C2CD3: variants seen among roughly 807,000 people sequenced by gnomAD.
C2CD3 encodes C2 domain containing 3 centriole elongation regulator.
C2CD3 carries 148 observed loss-of-function variants against 234.0 expected under a neutral mutation model. The observed-to-expected ratio is 0.63, with a 90% CI of 0.55 to 0.72. C2CD3 has a LOEUF of 0.72. Among genes scored for constraint, C2CD3 ranks in the 30% least tolerant of loss-of-function variants. The pLI, the probability that C2CD3 is intolerant of heterozygous loss-of-function variation, is 0.00. For synonymous variants in C2CD3, 1,000 were observed against 1,035.4 expected, an observed-to-expected ratio of 0.97 and a Z score of 0.66; for missense variants, 2,577 against 2,811.5, an observed-to-expected ratio of 0.92 and a Z score of 1.89.
At position 74,103,482 on chromosome 11, in the gene C2CD3, G is replaced by C; in HGVS notation, c.2229C>G (p.Thr743=). 1 of 1,614,104 alleles carries C rather than the reference G, an allele frequency of 6.2e-7. No homozygotes were observed. The highest frequency in any genetic ancestry group is 8.5e-7 in the Non-Finnish European group (1 of 1,180,016). ...LPELNQDMTC[T]KNPQNLNQIH... ...TTTGGTTTAAGTTTTGTGGATTTTT[G>C]GTACAGGTCATATCTTGGTTAAGTT... The change falls in exon 14 of 33, where the codon ACC becomes ACG. Residue 743 remains threonine (T), a synonymous_variant. Coordinates refer to ENST00000334126, the MANE Select transcript of C2CD3 (RefSeq NM_001286577.2).
intron 2 of C2CD3, among the ~76,000 whole-genome samples, chr11:74,162,294 C>T (rs549384263): frequency 7.9e-5 from 12 of 152,084 alleles, no homozygotes; most frequent in African/African-American, 2.9e-4. Flanking sequence ...AAAAAAAGTG[C>T]TGACTGTATA....
intron 32 of C2CD3, among the ~76,000 whole-genome samples, chr11:74,027,356 C>T (rs1952343726): frequency 6.6e-6 from 1 of 152,228 alleles, no homozygotes; most frequent in Non-Finnish European, 1.5e-5. Flanking sequence ...GATCCTGCCA[C>T]CTTGTCCTCC....
intron 26 of C2CD3, among the ~76,000 whole-genome samples, chr11:74,050,562 A>T (rs1194189678): frequency 6.6e-6 from 1 of 152,188 alleles, no homozygotes. Context: ...CAAAGGCTGG[A>T]TCTACCAAAC....
chr11:74,019,804 G>T (rs1267511714), intron 32 of C2CD3, among the ~76,000 whole-genome samples: 1 of 152,118 alleles, frequency 6.6e-6, no homozygotes, highest in African/African-American at 2.4e-5. Context: ...AGCCTCCCAA[G>T]TAGCTGGGAT....
At chr11:74,083,024 G>A (rs11825974) in intron 22 of C2CD3, among the ~76,000 whole-genome samples, 33,623 of 151,944 alleles carry the variant, frequency 0.22, 4,152 homozygotes, top group Admixed American at 0.3. Flanking sequence ...GAGGCATCAC[G>A]CTACCTGACT....
Position 74,042,163 on chromosome 11 carries a change from G to T in C2CD3, c.5551C>A (p.Arg1851Ser), listed in dbSNP as rs1232565234. Residue 1851 changes from arginine (R) to serine (S), a missense_variant, in exon 29 of 33, where the codon CGC (arginine) becomes AGC (serine). Arg to Ser is a moderately radical substitution (Grantham distance 110). Transcript: ENST00000334126. ...SRHEEHVQNIRRFHESLHLQG... is the reference protein window; with the variant it reads ...SRHEEHVQNISRFHESLHLQG... ...AGATGCAGGGATTCATGAAACCGGC[G>T]AATGTTCTGCACATGCTCTTCATGG... The T allele has an allele frequency of 1.2e-6, 2 of 1,611,464 alleles. No homozygotes were observed. The highest frequency in any genetic ancestry group is 8.5e-7 in the Non-Finnish European group (1 of 1,179,736).
intron 24 of C2CD3, among the ~76,000 whole-genome samples, chr11:74,071,547 G>A (rs1954792516): frequency 6.6e-6 from 1 of 152,140 alleles, no homozygotes; most frequent in South Asian, 2.1e-4. Context: ...TTGAACTTCG[G>A]TCTCCTCATT....
intron 12 of C2CD3, 125 bp downstream of exon 12, chr11:74,108,909 A>G: frequency 2.2e-6 from 1 of 450,968 alleles, no homozygotes; most frequent in Admixed American, 4.0e-5. Context: ...TAATAATAAT[A>G]ATAACAATGG....
At position 74,074,361 on chromosome 11, in the gene C2CD3, T is replaced by G; in HGVS notation, c.4843A>C (p.Ser1615Arg). The G allele has an allele frequency of 1.9e-6, 3 of 1,614,248 alleles. No individual in the cohort carries two copies. The highest frequency in any genetic ancestry group is 2.5e-6 in the Non-Finnish European group (3 of 1,180,042). Residue 1615 changes from serine to arginine, a missense_variant, in exon 24 of 33, where the codon AGC becomes CGC. Coordinates refer to ENST00000334126, the MANE Select transcript of C2CD3 (RefSeq NM_001286577.2). ...AGGCGGACTTCAGCTGTGGTGCTGC[T>G]GCAGGGGACCTGGGTGGAGGCAGGA... Reference protein sequence around the residue: ...KSPASTQVPCSSTTAEVRLTQ... With the variant: ...KSPASTQVPCRSTTAEVRLTQ...
intron 2 of C2CD3, among the ~76,000 whole-genome samples, chr11:74,163,227 T>C (rs1197914717): frequency 6.6e-6 from 1 of 152,192 alleles, no homozygotes; most frequent in African/African-American, 2.4e-5. Flanking sequence ...GTATAAGCCA[T>C]GGTTGTCTGT....
intron 25 of C2CD3, 86 bp from the exon 26 acceptor site, chr11:74,054,757 T>C: frequency 2.3e-6 from 2 of 873,868 alleles, no homozygotes; most frequent in Non-Finnish European, 3.6e-6. Context: ...TCTTGTAATT[T>C]GCAAAGCACT....
chr11:74,030,152 C>T (rs912281992), intron 31 of C2CD3, among the ~76,000 whole-genome samples: 1 of 152,140 alleles, frequency 6.6e-6, no homozygotes, highest in Non-Finnish European at 1.5e-5. Flanking sequence ...GCATTGTCTT[C>T]TAGTTACCAC....
intron 22 of C2CD3, among the ~76,000 whole-genome samples, chr11:74,082,085 C>T (rs1283055935): frequency 1.3e-5 from 2 of 151,668 alleles, no homozygotes; most frequent in African/African-American, 4.8e-5. Context: ...GGGAATGCTT[C>T]CAGTTCTTGC....
chr11:74,039,847 T>A (rs1039733430), intron 29 of C2CD3, among the ~76,000 whole-genome samples: 9 of 152,192 alleles, frequency 5.9e-5, no homozygotes, highest in African/African-American at 2.2e-4. Context: ...AAGGAGTTTC[T>A]TTTTTTAAGT....
At chr11:74,092,631 T>C (rs1266612287) in intron 18 of C2CD3, 43 bp from the exon 19 acceptor site, 2 of 1,537,626 alleles carry the variant, frequency 1.3e-6, no homozygotes, top group Non-Finnish European at 1.8e-6. Flanking sequence ...AATTAGGTGA[T>C]AAATGATTCA....
chr11:74,087,693 G>A (rs1294869313), intron 20 of C2CD3, among the ~76,000 whole-genome samples: 2 of 152,232 alleles, frequency 1.3e-5, no homozygotes, highest in Non-Finnish European at 2.9e-5. Flanking sequence ...AGAGATGGCA[G>A]TGAGATGGCA....
intron 11 of C2CD3, 89 bp from the exon 12 acceptor site, chr11:74,109,241 C>T (rs1167622658): frequency 3.0e-6 from 2 of 674,930 alleles, no homozygotes; most frequent in East Asian, 5.9e-5. Context: ...GCCTCCCTTT[C>T]AAATTTAATT....
At chr11:74,148,316 A>T (rs1270747526) in intron 3 of C2CD3, among the ~76,000 whole-genome samples, 1 of 152,074 alleles carries the variant, frequency 6.6e-6, no homozygotes, top group Non-Finnish European at 1.5e-5. Context: ...TTTCAAAAGA[A>T]AAAAGCTATA....
At chr11:74,046,336 A>C (rs1953371251) in intron 28 of C2CD3, among the ~76,000 whole-genome samples, 1 of 152,162 alleles carries the variant, frequency 6.6e-6, no homozygotes. Flanking sequence ...ATGGAATCAT[A>C]TACAAGGTAC....
Sources: gnomAD v4.1 joint callset for allele counts (sites outside exome capture counted in the v4.1 genomes callset) on GRCh38, gnomAD v4.1.1 for gene constraint, MANE v1.5 for transcripts, NCBI Gene and HGNC (gene_info 2026-07-23, HGNC 2026-07-21) for gene names.